Variants in ZNF10 observed in about 807,000 individuals in gnomAD.
ZNF10 encodes the protein zinc finger protein 10 (KOX 1).
ZNF10 carries 8 observed loss-of-function variants against 12.2 expected under a neutral mutation model. That is an observed-to-expected ratio of 0.66 (90% CI 0.39 to 1.18). The LOEUF is 1.18. Ranked by LOEUF, ZNF10 falls within the 50% of genes most tolerant of loss-of-function variation. The pLI is 0.01. For missense variants in ZNF10, 603 were observed against 678.9 expected (o/e 0.89, Z 1.24); for synonymous variants, 229 against 228.2 (o/e 1.00, Z -0.03).
chr12:133,150,393 A>G (rs1380788421), intron 2 of ZNF10, among the ~76,000 whole-genome samples: 4 of 152,180 alleles, frequency 2.6e-5, no homozygotes, highest in Non-Finnish European at 5.9e-5. Context: ...ACATTATTCC[A>G]CTGTCTTCTG....
In ZNF10 at chr12:133,158,303, T is replaced by C. The variant is rs1865334275; in HGVS notation, c.*1335T>C. 1 of 152,226 alleles carries C rather than the reference T, an allele frequency of 6.6e-6. No individual in the cohort carries two copies. Among genetic ancestry groups the C allele is most frequent in the African/African-American group, 2.4e-5 (1 of 41,456 alleles). 9.4% of individuals were successfully genotyped at this position (152,226 alleles called of 1,614,324 possible). A position where few individuals can be genotyped will look rare whatever the true frequency, so the allele number is the denominator to read the frequency against. ...AATATTGCCGCACCCTAATATCTGT[T>C]ATTTAATTGAAATCTGCTTGTGTGC... On this transcript the variant is annotated 3_prime_UTR_variant, in exon 5 of 5. Transcript: ENST00000248211.
intron 2 of ZNF10, among the ~76,000 whole-genome samples, chr12:133,147,323 T>C (rs560815598): frequency 5.9e-5 from 9 of 152,304 alleles, no homozygotes; most frequent in African/African-American, 2.2e-4. Context: ...TTATGAAAAA[T>C]ATGCAAATTT....
chr12:133,151,682 G>T, intron 3 of ZNF10, 127 bp from the exon 4 acceptor site: 2 of 552,204 alleles, frequency 3.6e-6, no homozygotes, highest in Non-Finnish European at 6.4e-6. Flanking sequence ...TCCTGCCTCT[G>T]TCAACTTTAG....
intron 2 of ZNF10, chr12:133,144,891 TG>T (rs772102181): frequency 9.0e-5 from 41 of 455,370 alleles, no homozygotes; most frequent in Non-Finnish European, 1.5e-4. Flanking sequence ...ATTCTTTTTT[TG>T]TTGTTGTTTA....
intron 1 of ZNF10, 107 bp from the exon 2 acceptor site, chr12:133,144,327 A>T: frequency 1.7e-6 from 1 of 595,056 alleles, no homozygotes; most frequent in Non-Finnish European, 3.0e-6. Context: ...TCCTCTGTAT[A>T]GTGGGTGTTT....
At chr12:133,137,312 C>G (rs1261003904) in intron 1 of ZNF10, among the ~76,000 whole-genome samples, 1 of 152,176 alleles carries the variant, frequency 6.6e-6, no homozygotes, top group Non-Finnish European at 1.5e-5. Flanking sequence ...TGTTTCCTGG[C>G]TTACAACATT....
At chr12:133,134,545 T>G (rs1955900283) in intron 1 of ZNF10, among the ~76,000 whole-genome samples, 1 of 152,160 alleles carries the variant, frequency 6.6e-6, no homozygotes, top group South Asian at 2.1e-4. Flanking sequence ...CTCCGAAACC[T>G]GTATCAGACT....
At chr12:133,149,681 T>G (rs1955996509) in intron 2 of ZNF10, among the ~76,000 whole-genome samples, 1 of 151,956 alleles carries the variant, frequency 6.6e-6, no homozygotes. Flanking sequence ...TTGATAAAGT[T>G]TGGCTACTTG....
chr12:133,152,055 C>G (rs1447421941), intron 4 of ZNF10, 151 bp downstream of exon 4: 6 of 603,526 alleles, frequency 9.9e-6, no homozygotes, highest in Non-Finnish European at 1.5e-5. Context: ...CACTGCCAGT[C>G]TTTACATTCC....
chr12:133,154,663 C>A (rs2135465039), intron 4 of ZNF10, among the ~76,000 whole-genome samples: 2 of 152,288 alleles, frequency 1.3e-5, no homozygotes, highest in South Asian at 2.1e-4. Context: ...TACTCTTCCA[C>A]CTTGTCATGT....
chr12:133,151,701 C>T lies in ZNF10; in HGVS notation c.161-108C>T, dbSNP rs1038895478. On this transcript the variant is annotated intron_variant, in intron 3 of 4. Coordinates refer to ENST00000248211, the MANE Select transcript of ZNF10 (RefSeq NM_015394.5). The stretch of plus-strand genomic sequence containing the variant: ...GCCTCTGTCAACTTTAGAGTCCCTG[C>T]CAGTCCTGCAGAGGGTTGGTGGTCA... The T allele has an allele frequency of 7.3e-6, 5 of 685,746 alleles. No homozygotes were observed. In the Admixed American group the frequency reaches 1.1e-4, roughly 14 times the overall value. The allele number at this position is 685,746 out of a possible 1,614,324, so 42.5% of individuals were successfully genotyped here.
At position 133,155,795 on chromosome 12, in the gene ZNF10, G is replaced by A. The variant is rs1490780540; in HGVS notation, c.549G>A (p.Glu183=). The A allele has an allele frequency of 6.2e-7, 1 of 1,613,730 alleles. No individual in the cohort carries two copies. The highest frequency in any genetic ancestry group is 8.5e-7 in the Non-Finnish European group (1 of 1,179,936). The change falls in exon 5 of 5, where the codon GAG becomes GAA. Residue 183 remains glutamate (E), a synonymous_variant. Transcript: ENST00000248211. ...TTCCTGCTCAGCTAGTACTGAGAGA[G>A]TATTTCCATAAACGTGACTCACATA... ...CLLPAQLVLR[E]YFHKRDSHTK... is the part of the protein sequence containing the mutation.
At chr12:133,137,971 G>C (rs1416404851) in intron 1 of ZNF10, among the ~76,000 whole-genome samples, 1 of 151,826 alleles carries the variant, frequency 6.6e-6, no homozygotes. Flanking sequence ...TAGAAACCTG[G>C]AATTAAATAA....
intron 2 of ZNF10, among the ~76,000 whole-genome samples, chr12:133,146,456 ATT>A: frequency 6.6e-6 from 1 of 150,942 alleles, no homozygotes; most frequent in Admixed American, 6.6e-5. Context: ...TCCATTTAAA[ATT>A]TTTTTTTTAC....
In ZNF10 at chr12:133,155,840, T is replaced by C. The variant is rs778919154; in HGVS notation, c.594T>C (p.Asp198=). The change falls in exon 5 of 5, where the codon GAT becomes GAC. Residue 198 remains aspartate, a synonymous_variant. Transcript: ENST00000248211. ...CACATACTAAAAGTTTAAAACATGA[T>C]TTAGTTCTTAATGGTCATCAGGACA... ...RDSHTKSLKH[D]LVLNGHQDSC... The C allele has an allele frequency of 6.2e-7, 1 of 1,613,694 alleles. No homozygotes were observed. The highest frequency in any genetic ancestry group is 8.5e-7 in the Non-Finnish European group (1 of 1,179,840).
At chr12:133,142,495 C>G (rs147015934) in intron 1 of ZNF10, among the ~76,000 whole-genome samples, 141 of 151,210 alleles carry the variant, frequency 9.3e-4, no homozygotes, top group African/African-American at 3.1e-3. Flanking sequence ...ACAAAGAACT[C>G]CTACAACTCA....
At chr12:133,131,085 C>A (rs757248028) in intron 1 of ZNF10, 6 of 152,122 alleles carry the variant, frequency 3.9e-5, no homozygotes, top group Non-Finnish European at 7.4e-5. Flanking sequence ...ATTTTTCCCC[C>A]CAGCTGGGAT....
chr12:133,147,854 C>T (rs1303531000), intron 2 of ZNF10, among the ~76,000 whole-genome samples: 1 of 150,048 alleles, frequency 6.7e-6, no homozygotes, highest in Non-Finnish European at 1.5e-5. Flanking sequence ...TCTCGAACTG[C>T]TGAACTCAGG....
intron 1 of ZNF10, among the ~76,000 whole-genome samples, chr12:133,136,366 TCTC>T (rs1219704889): frequency 1.9e-4 from 29 of 152,310 alleles, no homozygotes; most frequent in African/African-American, 7.0e-4. Flanking sequence ...TTGAAACTGA[TCTC>T]CTCAAATTAT....
Sources: gnomAD v4.1 joint callset for allele counts (sites outside exome capture counted in the v4.1 genomes callset) on GRCh38, gnomAD v4.1.1 for gene constraint, MANE v1.5 for transcripts, NCBI Gene and HGNC (gene_info 2026-07-23, HGNC 2026-07-21) for gene names.